MACROD2: variants seen among roughly 807,000 people sequenced by gnomAD.
MACROD2 encodes the protein ADP-ribose glycohydrolase MACROD2.
A neutral mutation model predicts 70.4 loss-of-function variants in MACROD2; 36 were observed. That is an observed-to-expected ratio of 0.51 (90% CI 0.39 to 0.68). MACROD2 has a LOEUF of 0.68. Ranked by LOEUF, MACROD2 falls within the 30% of genes least tolerant of loss-of-function variation. The probability of loss-of-function intolerance (pLI) is 0.00; values close to 1 mark genes in which losing one functional copy is unlikely to be tolerated. For synonymous variants in MACROD2, 172 were observed against 178.8 expected (o/e 0.96, Z 0.30); for missense variants, 496 against 538.4 (o/e 0.92, Z 0.78).
chr20:14,779,852 T>C (rs983849802), intron 5 of MACROD2, among the ~76,000 whole-genome samples: 1 of 152,154 alleles, frequency 6.6e-6, no homozygotes, highest in African/African-American at 2.4e-5. Context: ...ATATTCTGCA[T>C]TTAGCTTTAT....
At chr20:15,861,629 G>A (rs997623896) in intron 8 of MACROD2, among the ~76,000 whole-genome samples, 1 of 152,092 alleles carries the variant, frequency 6.6e-6, no homozygotes, top group Admixed American at 6.6e-5. Context: ...CTAGGCTTGG[G>A]CAGAGACTAA....
intron 3 of MACROD2, among the ~76,000 whole-genome samples, chr20:14,205,766 C>G (rs566089948): frequency 4.3e-4 from 65 of 152,190 alleles, no homozygotes; most frequent in African/African-American, 1.4e-3. Context: ...AGCCTGACAC[C>G]CTAGTGTAGG....
At chr20:14,066,773 A>G (rs568154427) in intron 2 of MACROD2, among the ~76,000 whole-genome samples, 101 of 151,904 alleles carry the variant, frequency 6.6e-4, no homozygotes, top group Middle Eastern at 3.4e-3. Flanking sequence ...CTTGACTGAT[A>G]AGGCAAAATT....
In MACROD2 at chr20:15,434,344, C is replaced by G. The variant is rs138110983; in HGVS notation, c.571+2909C>G. On this transcript the variant is annotated intron_variant, in intron 7 of 17. Transcript: ENST00000684519. ...ACATATCAGCAAGAAAAAAAAAATC[C>G]CATAAAAAATGGGCAAAGGACATAG... Among the ~76,000 whole-genome samples the G allele has an allele frequency of 5.7e-3, 795 of 140,398 alleles. 3 individuals carry two copies. Among genetic ancestry groups the G allele is most frequent in the African/African-American group, 0.018 (708 of 39,820 alleles). The allele number at this position is 140,398 out of a possible 152,430, so 92.1% of individuals were successfully genotyped here.
intron 4 of MACROD2, among the ~76,000 whole-genome samples, chr20:14,495,323 G>T (rs574995224): frequency 6.6e-6 from 1 of 152,068 alleles, no homozygotes; most frequent in African/African-American, 2.4e-5. Flanking sequence ...ATGGCTGCTG[G>T]AGCTCTAGCC....
chr20:15,688,551 A>G (rs969381044), intron 8 of MACROD2, among the ~76,000 whole-genome samples: 2 of 152,222 alleles, frequency 1.3e-5, no homozygotes, highest in Admixed American at 6.5e-5. Flanking sequence ...GGGCTGCTTG[A>G]TTGGCTTCAA....
chr20:15,551,120 G>A (rs2048089867), intron 8 of MACROD2, among the ~76,000 whole-genome samples: 1 of 152,022 alleles, frequency 6.6e-6, no homozygotes. Flanking sequence ...AGCCAGGGAG[G>A]GCTGTGGAGG....
At chr20:14,313,909 AG>A (rs1338184870) in intron 3 of MACROD2, among the ~76,000 whole-genome samples, 41 of 152,306 alleles carry the variant, frequency 2.7e-4, no homozygotes, top group African/African-American at 9.4e-4. Flanking sequence ...GTTAAATACA[AG>A]ACTATAGTTG....
chr20:14,763,245 G>T (rs1161407776), intron 5 of MACROD2, among the ~76,000 whole-genome samples: 1 of 152,114 alleles, frequency 6.6e-6, no homozygotes, highest in East Asian at 1.9e-4. Flanking sequence ...GAAGCTAAGA[G>T]AAAGGTATTC....
At chr20:14,516,033 A>G (rs1315539996) in intron 4 of MACROD2, among the ~76,000 whole-genome samples, 5 of 147,776 alleles carry the variant, frequency 3.4e-5, no homozygotes, top group African/African-American at 4.9e-5. Flanking sequence ...AATATACTTT[A>G]TAGTATCTAT....
At chr20:14,452,213 AT>A (rs1449028150) in intron 3 of MACROD2, among the ~76,000 whole-genome samples, 1 of 152,000 alleles carries the variant, frequency 6.6e-6, no homozygotes, top group Non-Finnish European at 1.5e-5. Flanking sequence ...TAAGAAATTA[AT>A]TTTTTTCTTT....
At chr20:15,433,715 C>T (rs538126563) in intron 7 of MACROD2, among the ~76,000 whole-genome samples, 3 of 148,358 alleles carry the variant, frequency 2.0e-5, no homozygotes, top group African/African-American at 7.6e-5. Flanking sequence ...TCATATGGAA[C>T]CAAAAAAACA....
intron 3 of MACROD2, among the ~76,000 whole-genome samples, chr20:14,358,722 C>T (rs779930196): frequency 3.9e-5 from 6 of 152,128 alleles, no homozygotes; most frequent in Non-Finnish European, 8.8e-5. Context: ...TCCCAAAGTG[C>T]TGGGATTACA....
chr20:15,883,001 C>G (rs2064776370), intron 9 of MACROD2, among the ~76,000 whole-genome samples: 1 of 151,262 alleles, frequency 6.6e-6, no homozygotes, highest in Non-Finnish European at 1.5e-5. Flanking sequence ...ATTTGCATGT[C>G]TTGGTTTCTT....
chr20:15,156,143 C>CT (rs1211602909), intron 5 of MACROD2, among the ~76,000 whole-genome samples: 3 of 152,136 alleles, frequency 2.0e-5, no homozygotes, highest in Non-Finnish European at 4.4e-5. Flanking sequence ...TCCTCACCTT[C>CT]TTTTTGAGAT....
intron 3 of MACROD2, among the ~76,000 whole-genome samples, chr20:14,286,764 G>C (rs2122428081): frequency 6.6e-6 from 1 of 152,166 alleles, no homozygotes; most frequent in South Asian, 2.1e-4. Context: ...GAAATGCTCT[G>C]AAAGATGCTT....
At chr20:16,045,381 C>T (rs1012985812) in intron 17 of MACROD2, among the ~76,000 whole-genome samples, 1 of 152,064 alleles carries the variant, frequency 6.6e-6, no homozygotes, top group Non-Finnish European at 1.5e-5. Context: ...TTCATGGCAG[C>T]CAATACATCA....
chr20:15,361,842 T>C (rs907611957), intron 6 of MACROD2, among the ~76,000 whole-genome samples: 1 of 152,144 alleles, frequency 6.6e-6, no homozygotes, highest in Non-Finnish European at 1.5e-5. Flanking sequence ...ATTTCAACTT[T>C]TGGGGTCCAC....
intron 4 of MACROD2, among the ~76,000 whole-genome samples, chr20:14,678,977 T>G (rs1411884392): frequency 2.6e-5 from 4 of 152,110 alleles, no homozygotes; most frequent in Non-Finnish European, 4.4e-5. Context: ...CACATTACTT[T>G]TCCTCCCACA....
Sources: gnomAD v4.1 joint callset for allele counts (sites outside exome capture counted in the v4.1 genomes callset) on GRCh38, gnomAD v4.1.1 for gene constraint, MANE v1.5 for transcripts, NCBI Gene and HGNC (gene_info 2026-07-23, HGNC 2026-07-21) for gene names.